RAPGEF2: variants seen among roughly 807,000 people sequenced by gnomAD.
RAPGEF2 encodes the protein PDZ domain containing guanine nucleotide exchange factor (GEF) 1.
In RAPGEF2, 54 loss-of-function variants were observed where a neutral mutation model predicts 186.7. The ratio of observed to expected loss-of-function variants is 0.29; its 90% CI spans 0.23 to 0.36. The LOEUF (loss-of-function observed/expected upper bound fraction) is 0.36, where lower values mean the gene tolerates loss of function less well. RAPGEF2 is among the 10% of genes least tolerant of loss of function. RAPGEF2 has a pLI of 1.00. For missense variants in RAPGEF2, 1,532 were observed against 2,045.0 expected, an observed-to-expected ratio of 0.75 and a Z score of 4.84; for synonymous variants, 712 against 705.9, an observed-to-expected ratio of 1.01 and a Z score of -0.14.
At chr4:159,195,273 T>A (rs1477337611) in intron 3 of RAPGEF2, among the ~76,000 whole-genome samples, 1 of 152,224 alleles carries the variant, frequency 6.6e-6, no homozygotes, top group African/African-American at 2.4e-5. Context: ...TAAAAAGTTA[T>A]CAGTGGAATG....
intron 1 of RAPGEF2, among the ~76,000 whole-genome samples, chr4:159,117,889 A>G (rs902994422): frequency 6.6e-6 from 1 of 152,150 alleles, no homozygotes; most frequent in African/African-American, 2.4e-5. Context: ...TTAAGAAAGG[A>G]TATTTTACTG....
chr4:159,308,009 G>A (rs1763516117), intron 8 of RAPGEF2, among the ~76,000 whole-genome samples: 1 of 152,108 alleles, frequency 6.6e-6, no homozygotes, highest in South Asian at 2.1e-4. Flanking sequence ...AATCGATTGA[G>A]GCATATTCTG....
chr4:159,111,050 G>A (rs1215143522), intron 1 of RAPGEF2, among the ~76,000 whole-genome samples: 5 of 150,602 alleles, frequency 3.3e-5, no homozygotes, highest in Non-Finnish European at 5.9e-5. Flanking sequence ...GTTTTCACAT[G>A]CAAAATCGCC....
At chr4:159,138,278 C>A (rs1741939615) in intron 1 of RAPGEF2, among the ~76,000 whole-genome samples, 1 of 152,112 alleles carries the variant, frequency 6.6e-6, no homozygotes, top group African/African-American at 2.4e-5. Flanking sequence ...CCTAAAACAT[C>A]TAAAAGCACT....
intron 7 of RAPGEF2, among the ~76,000 whole-genome samples, chr4:159,282,922 A>ATAAC (rs1470538951): frequency 6.6e-6 from 1 of 152,218 alleles, no homozygotes; most frequent in Non-Finnish European, 1.5e-5. Context: ...TATACTTCCT[A>ATAAC]TAACTGCACA....
intron 7 of RAPGEF2, among the ~76,000 whole-genome samples, chr4:159,298,707 A>G (rs951233161): frequency 6.6e-6 from 1 of 152,346 alleles, no homozygotes; most frequent in Non-Finnish European, 1.5e-5. Context: ...GATCGTGTCT[A>G]TAGCTGGGTG....
chr4:159,125,714 C>T (rs999778051), intron 1 of RAPGEF2, among the ~76,000 whole-genome samples: 2 of 150,880 alleles, frequency 1.3e-5, no homozygotes, highest in African/African-American at 4.9e-5. Flanking sequence ...GCTGAGATTG[C>T]GGCACTGCAC....
chr4:159,232,584 G>A (rs928768665), intron 4 of RAPGEF2, among the ~76,000 whole-genome samples: 1 of 152,150 alleles, frequency 6.6e-6, no homozygotes, highest in Non-Finnish European at 1.5e-5. Context: ...TAATGTTGCA[G>A]TGAACATTGG....
chr4:159,133,996 G>C (rs368372504), intron 1 of RAPGEF2, among the ~76,000 whole-genome samples: 60 of 152,336 alleles, frequency 3.9e-4, no homozygotes, highest in African/African-American at 1.3e-3. Flanking sequence ...CAGGATTACA[G>C]GTGTGAGCCA....
At chr4:159,194,183 C>T (rs560512354) in intron 3 of RAPGEF2, among the ~76,000 whole-genome samples, 44 of 152,192 alleles carry the variant, frequency 2.9e-4, no homozygotes, top group Admixed American at 1.6e-3. Context: ...TGTGCTGGGA[C>T]GCAGAGAGGT....
At chr4:159,334,526 G>C (rs1463037242) in intron 17 of RAPGEF2, among the ~76,000 whole-genome samples, 1 of 152,132 alleles carries the variant, frequency 6.6e-6, no homozygotes, top group African/African-American at 2.4e-5. Context: ...TGGGATTACA[G>C]GCATGAGCCA....
At chr4:159,223,332 A>G (rs367618736) in intron 4 of RAPGEF2, among the ~76,000 whole-genome samples, 50 of 152,262 alleles carry the variant, frequency 3.3e-4, no homozygotes, top group East Asian at 9.6e-4. Flanking sequence ...TTATACTTCT[A>G]TCTACTTTAT....
At chr4:159,351,363 A>G (rs1224143389) in intron 26 of RAPGEF2, among the ~76,000 whole-genome samples, 1 of 152,074 alleles carries the variant, frequency 6.6e-6, no homozygotes, top group Non-Finnish European at 1.5e-5. Flanking sequence ...CAGAACTTGC[A>G]GTGTGGTTTT....
chr4:159,146,423 A>C (rs1022316528), intron 1 of RAPGEF2, among the ~76,000 whole-genome samples: 8 of 151,946 alleles, frequency 5.3e-5, no homozygotes, highest in African/African-American at 1.9e-4. Context: ...GTAAGTTATA[A>C]AGCCTAAATG....
At position 159,244,436 on chromosome 4, in the gene RAPGEF2, GACTAAGTACTAT is replaced by G. The variant is rs1438122883; in HGVS notation, c.543+657_543+668del. 1.4e-4 allele frequency among the ~76,000 whole-genome samples: 22 copies of G among 151,970 alleles called. No individual in the cohort carries two copies. The East Asian group carries it at 4.2e-3, about 29-fold the overall frequency. On this transcript the variant is annotated intron_variant, in intron 7 of 29. Transcript: ENST00000691494. ...GCTCACTTCTTTGATGCCAGTACATGACTAAGTACTATACTAAGTACTAAAGTACATTACTAA... is the reference window on the plus strand; with the variant it reads ...GCTCACTTCTTTGATGCCAGTACATGACTAAGTACTAAAGTACATTACTAA...
chr4:159,283,972 A>G (rs1028965216), intron 7 of RAPGEF2, among the ~76,000 whole-genome samples: 28 of 152,182 alleles, frequency 1.8e-4, no homozygotes, highest in African/African-American at 6.5e-4. Context: ...AAAACTGAGA[A>G]TCTGTGCCAA....
intron 8 of RAPGEF2, among the ~76,000 whole-genome samples, chr4:159,305,656 A>G (rs546089252): frequency 1.6e-4 from 25 of 152,062 alleles, no homozygotes; most frequent in African/African-American, 6.0e-4. Flanking sequence ...TATTTCTTCT[A>G]CTGTGCAGAA....
At chr4:159,265,029 T>G (rs1372676173) in intron 7 of RAPGEF2, among the ~76,000 whole-genome samples, 1 of 152,212 alleles carries the variant, frequency 6.6e-6, no homozygotes, top group Non-Finnish European at 1.5e-5. Context: ...GCTTCTACCG[T>G]TTGGCAACAG....
intron 7 of RAPGEF2, among the ~76,000 whole-genome samples, chr4:159,285,545 T>TA (rs1213458915): frequency 6.6e-6 from 1 of 152,256 alleles, no homozygotes; most frequent in Non-Finnish European, 1.5e-5. Context: ...GAGGAAGCAC[T>TA]AGGTGTTTCT....
Sources: allele counts gnomAD v4.1 joint callset (sites outside exome capture counted in the v4.1 genomes callset), GRCh38; gene constraint gnomAD v4.1.1; transcripts MANE v1.5; gene names NCBI Gene and HGNC (gene_info 2026-07-23, HGNC 2026-07-21).